Variants in ANKRD44 observed in about 807,000 individuals in gnomAD.
The protein encoded by ANKRD44 is ankyrin repeat domain 44.
In ANKRD44, 35 loss-of-function variants were observed where a neutral mutation model predicts 116.0. That is an observed-to-expected ratio of 0.30 (90% CI 0.23 to 0.40). The LOEUF is 0.40. Ranked by LOEUF, ANKRD44 falls within the 10% of genes least tolerant of loss-of-function variation. ANKRD44 has a pLI of 1.00. For missense variants in ANKRD44, 1,014 were observed against 1,242.6 expected, an observed-to-expected ratio of 0.82 and a Z score of 2.77; for synonymous variants, 435 against 461.8, an observed-to-expected ratio of 0.94 and a Z score of 0.74.
intron 21 of ANKRD44, among the ~76,000 whole-genome samples, chr2:196,974,306 C>G (rs1215561436): frequency 6.6e-6 from 1 of 152,094 alleles, no homozygotes; most frequent in Non-Finnish European, 1.5e-5. Flanking sequence ...TGGTCTTGAA[C>G]TCCTGAGCTC....
rs900038375 is a variant in ANKRD44 at position 197,261,561 on chromosome 2, A to T, written c.27+49017T>A. Among the ~76,000 whole-genome samples the T allele has an allele frequency of 1.8e-3, 12 of 6,610 alleles. No individual in the cohort carries two copies. The South Asian group carries it at 0.038, about 21-fold the overall frequency. 4.3% of individuals were successfully genotyped at this position (6,610 alleles called of 152,430 possible). A position where few individuals can be genotyped will look rare whatever the true frequency, so the allele number is the denominator to read the frequency against. On this transcript the variant is annotated intron_variant, in intron 1 of 27. Coordinates refer to ENST00000282272, the MANE Select transcript of ANKRD44 (RefSeq NM_001195144.2). ...AAAAGATAGACAATCTTTTCTTAAAAAAAAAAAATGTTTCTTTTCTAATTG... is the reference window on the plus strand; with the variant it reads ...AAAAGATAGACAATCTTTTCTTAAATAAAAAAAATGTTTCTTTTCTAATTG...
intron 6 of ANKRD44, among the ~76,000 whole-genome samples, chr2:197,124,875 G>C (rs1414535641): frequency 2.0e-5 from 3 of 152,236 alleles, no homozygotes; most frequent in East Asian, 1.9e-4. Context: ...AGGGCTGCAG[G>C]CTTCAGTTTT....
Position 197,307,991 on chromosome 2 carries a change from G to A in ANKRD44, c.27+2587C>T, listed in dbSNP as rs182130623. Among the ~76,000 whole-genome samples, 84 of 152,190 alleles carry A rather than the reference G, an allele frequency of 5.5e-4. 1 individual carries two copies. The highest frequency in any genetic ancestry group is 8.7e-4 in the Non-Finnish European group (59 of 68,008). Reference sequence around the variant, plus strand: ...TTGAGACCAGCCTGGGCAACATGGCGAAACTCTGTGTCTACAAAAAATACA... The same window carrying A: ...TTGAGACCAGCCTGGGCAACATGGCAAAACTCTGTGTCTACAAAAAATACA... On this transcript the variant is annotated intron_variant, in intron 1 of 27. Transcript: ENST00000282272.
intron 1 of ANKRD44, among the ~76,000 whole-genome samples, chr2:197,227,858 G>A (rs1356651412): frequency 1.3e-5 from 2 of 152,148 alleles, no homozygotes; most frequent in Non-Finnish European, 2.9e-5. Flanking sequence ...ATCAAATAAA[G>A]AGACAATTAA....
intron 3 of ANKRD44, among the ~76,000 whole-genome samples, chr2:197,137,046 A>G (rs180956669): frequency 6.6e-6 from 1 of 152,308 alleles, no homozygotes; most frequent in Admixed American, 6.5e-5. Flanking sequence ...CCATGCCATC[A>G]TCATGGAACA....
intron 1 of ANKRD44, among the ~76,000 whole-genome samples, chr2:197,253,402 T>G (rs2082366613): frequency 1.3e-5 from 2 of 152,304 alleles, no homozygotes; most frequent in Non-Finnish European, 2.9e-5. Context: ...TATTCAATAA[T>G]GTCAATGTCC....
At chr2:197,087,462 T>C (rs931222263) in intron 12 of ANKRD44, among the ~76,000 whole-genome samples, 4 of 152,232 alleles carry the variant, frequency 2.6e-5, no homozygotes, top group African/African-American at 7.2e-5. Context: ...TCTGGAATTG[T>C]ATGTTGTCAC....
At chr2:197,238,090 T>G (rs971708915) in intron 1 of ANKRD44, among the ~76,000 whole-genome samples, 1 of 152,256 alleles carries the variant, frequency 6.6e-6, no homozygotes, top group Non-Finnish European at 1.5e-5. Flanking sequence ...TTCCGTTGTA[T>G]GTGTTCTGGT....
At chr2:197,177,216 G>C (rs2125565047) in intron 2 of ANKRD44, among the ~76,000 whole-genome samples, 1 of 152,214 alleles carries the variant, frequency 6.6e-6, no homozygotes, top group East Asian at 1.9e-4. Flanking sequence ...CATTGTAAAA[G>C]AAATTGGAAA....
At chr2:197,083,315 C>T (rs1259680858) in intron 14 of ANKRD44, 54 bp downstream of exon 14, 1 of 1,540,332 alleles carries the variant, frequency 6.5e-7, no homozygotes, top group African/African-American at 1.4e-5. Context: ...GCAATCCTTC[C>T]CCACCACTCC....
At chr2:197,222,579 C>T (rs895865638) in intron 1 of ANKRD44, among the ~76,000 whole-genome samples, 45 of 152,084 alleles carry the variant, frequency 3.0e-4, no homozygotes, top group African/African-American at 1.0e-3. Context: ...GTGACAGTCA[C>T]AAAATAAGGG....
At chr2:197,021,029 T>A (rs919016504) in intron 17 of ANKRD44, among the ~76,000 whole-genome samples, 10 of 152,186 alleles carry the variant, frequency 6.6e-5, no homozygotes, top group Non-Finnish European at 1.5e-4. Context: ...TTTTCACCTA[T>A]GAGTGAGAAC....
At chr2:196,993,444 T>G in intron 27 of ANKRD44, 139 bp downstream of exon 27, 2 of 685,810 alleles carry the variant, frequency 2.9e-6, no homozygotes, top group Non-Finnish European at 2.5e-6. Flanking sequence ...TATCCTTGCT[T>G]GATTTCTCAC....
chr2:197,133,491 A>G (rs2125375253), intron 4 of ANKRD44, among the ~76,000 whole-genome samples: 1 of 152,318 alleles, frequency 6.6e-6, no homozygotes, highest in East Asian at 1.9e-4. Context: ...CCCTGGTTGA[A>G]CCTCAAACCC....
At chr2:196,980,023 C>A (rs1267462833) in intron 21 of ANKRD44, among the ~76,000 whole-genome samples, 3 of 152,154 alleles carry the variant, frequency 2.0e-5, no homozygotes, top group Admixed American at 6.5e-5. Flanking sequence ...AAAATATGTT[C>A]TTATCTCTAG....
At chr2:197,005,974 C>G in intron 20 of ANKRD44, 64 bp from the exon 21 acceptor site, 1 of 1,503,478 alleles carries the variant, frequency 6.7e-7, no homozygotes, top group Middle Eastern at 1.7e-4. Context: ...AAGCAGTTGG[C>G]TAAGTGAGGC....
intron 3 of ANKRD44, among the ~76,000 whole-genome samples, chr2:197,140,516 T>G (rs2079335838): frequency 6.6e-6 from 1 of 151,928 alleles, no homozygotes; most frequent in East Asian, 1.9e-4. Flanking sequence ...AGATGGGGTC[T>G]TGCTATGTTT....
At chr2:197,207,520 A>G (rs573170657) in intron 1 of ANKRD44, among the ~76,000 whole-genome samples, 1 of 152,326 alleles carries the variant, frequency 6.6e-6, no homozygotes, top group African/African-American at 2.4e-5. Flanking sequence ...AGAGAAAAAC[A>G]TATATTAGAA....
chr2:197,180,612 GA>G (rs1318567370), intron 2 of ANKRD44, among the ~76,000 whole-genome samples: 6 of 151,354 alleles, frequency 4.0e-5, no homozygotes, highest in Non-Finnish European at 5.9e-5. Flanking sequence ...TTATTAAAAA[GA>G]AAAAAAATCA....
Sources: gnomAD v4.1 joint callset for allele counts (sites outside exome capture counted in the v4.1 genomes callset) on GRCh38, gnomAD v4.1.1 for gene constraint, MANE v1.5 for transcripts, NCBI Gene and HGNC (gene_info 2026-07-23, HGNC 2026-07-21) for gene names.